PEX5L: variants seen among roughly 807,000 people sequenced by gnomAD.
The protein encoded by PEX5L is peroxisomal biogenesis factor 5 like.
In PEX5L, 30 loss-of-function variants were observed where a neutral mutation model predicts 84.0. That is an observed-to-expected ratio of 0.36 (90% confidence interval 0.27 to 0.48). The LOEUF (loss-of-function observed/expected upper bound fraction) is 0.48, where lower values mean the gene tolerates loss of function less well. Among genes scored for constraint, PEX5L ranks in the 20% least tolerant of loss-of-function variants. The pLI is 0.99. For missense variants in PEX5L, 533 were observed against 754.6 expected (o/e 0.71, Z 3.44); for synonymous variants, 270 against 283.1 (o/e 0.95, Z 0.46).
chr3:179,930,229 TTTG>T (rs1281056837), intron 2 of PEX5L, among the ~76,000 whole-genome samples: 2,434 of 151,458 alleles, frequency 0.016, 74 homozygotes, highest in African/African-American at 0.057. Context: ...CTGTTTCTCT[TTTG>T]ATTTTTGTTT....
chr3:179,883,205 A>T (rs1754704363), intron 4 of PEX5L, among the ~76,000 whole-genome samples: 1 of 152,052 alleles, frequency 6.6e-6, no homozygotes, highest in South Asian at 2.1e-4. Flanking sequence ...GTGTAATCTT[A>T]TTGTCACATA....
At chr3:179,834,289 G>A in intron 8 of PEX5L, among the ~76,000 whole-genome samples, 1 of 152,254 alleles carries the variant, frequency 6.6e-6, no homozygotes, top group East Asian at 1.9e-4. Context: ...GCCGCCTGGA[G>A]CCATCTTGAA....
At chr3:179,836,527 A>G (rs1025871594) in intron 8 of PEX5L, among the ~76,000 whole-genome samples, 3 of 152,160 alleles carry the variant, frequency 2.0e-5, no homozygotes, top group Non-Finnish European at 4.4e-5. Flanking sequence ...CAGGAGAGAG[A>G]GAAGAGACAG....
In PEX5L at chr3:179,874,381, T is replaced by G; in HGVS notation, c.672A>C (p.Lys224Asn). 6.2e-7 allele frequency: 1 copy of G among 1,612,924 alleles called. No homozygotes were observed. The highest frequency in any genetic ancestry group is 8.5e-7 in the Non-Finnish European group (1 of 1,179,260). ...HRSQPELSGG[K>N]SALNSESASE... ...AAGCCGACTCAGAGTTGAGGGCGCT[T>G]TTTCCACCACTCAGTTCTGGTTGAG... Residue 224 changes from lysine (K) to asparagine (N), a missense_variant, in exon 7 of 15, where the codon AAA becomes AAC. Physicochemically the swap from Lys to Asn is moderately conservative, Grantham distance 94. Around this residue, in one of 8 missense-constraint regions of PEX5L, gnomAD observed 259 missense variants for 301.7 expected, o/e 0.86. Coordinates refer to ENST00000467460, the MANE Select transcript of PEX5L (RefSeq NM_016559.3).
At chr3:179,946,343 A>G (rs981287632) in intron 2 of PEX5L, among the ~76,000 whole-genome samples, 1 of 152,228 alleles carries the variant, frequency 6.6e-6, no homozygotes, top group Non-Finnish European at 1.5e-5. Flanking sequence ...TGAAGAATAA[A>G]GGAAATAAAG....
At chr3:179,978,041 C>G (rs766109051) in intron 1 of PEX5L, among the ~76,000 whole-genome samples, 5 of 152,178 alleles carry the variant, frequency 3.3e-5, no homozygotes, top group Non-Finnish European at 7.4e-5. Flanking sequence ...TATGTTGTAG[C>G]ATTTTAAACT....
chr3:179,856,283 GT>G (rs1743911139), intron 8 of PEX5L, among the ~76,000 whole-genome samples: 1 of 152,166 alleles, frequency 6.6e-6, no homozygotes, highest in Admixed American at 6.5e-5. Flanking sequence ...ATTTTACAAA[GT>G]TGGGATTATA....
At chr3:179,850,131 T>G (rs371246966) in intron 8 of PEX5L, among the ~76,000 whole-genome samples, 2 of 152,020 alleles carry the variant, frequency 1.3e-5, no homozygotes, top group African/African-American at 4.8e-5. Flanking sequence ...TTATACTTTT[T>G]TTTTTTGTTT....
intron 1 of PEX5L, among the ~76,000 whole-genome samples, chr3:179,996,231 G>A (rs540726302): frequency 6.6e-6 from 1 of 152,164 alleles, no homozygotes; most frequent in Non-Finnish European, 1.5e-5. Flanking sequence ...CTCGAAAAGA[G>A]CTGCTTGAGT....
At chr3:179,968,667 C>T (rs1221622112) in intron 2 of PEX5L, among the ~76,000 whole-genome samples, 1 of 151,040 alleles carries the variant, frequency 6.6e-6, no homozygotes, top group Non-Finnish European at 1.5e-5. Flanking sequence ...TGGACTCTGA[C>T]CCCAGTGTGA....
chr3:180,030,910 G>A lies in PEX5L; in HGVS notation c.21+5669C>T, dbSNP rs564947590. ...TTAACCCCATTTTGGAGCTGCTGGC[G>A]GGGATTTTTGTCTTTTTTTTTTTTT... On this transcript the variant is annotated intron_variant, in intron 1 of 14. Coordinates refer to ENST00000467460, the MANE Select transcript of PEX5L (RefSeq NM_016559.3). Among the ~76,000 whole-genome samples, 17 of 149,940 alleles carry A rather than the reference G, an allele frequency of 1.1e-4. 1 individual carries two copies. Among genetic ancestry groups the A allele is most frequent in the African/African-American group, 3.2e-4 (13 of 40,600 alleles).
chr3:180,028,236 A>T (rs1791140791), intron 1 of PEX5L, among the ~76,000 whole-genome samples: 2 of 152,172 alleles, frequency 1.3e-5, no homozygotes, highest in African/African-American at 4.8e-5. Flanking sequence ...AATCTTCATC[A>T]TTCTTTCTAT....
Position 179,906,253 on chromosome 3 carries a change from GT to G in PEX5L, c.94-8008del, listed in dbSNP as rs112599429. On this transcript the variant is annotated intron_variant, in intron 2 of 14. Coordinates refer to ENST00000467460, the MANE Select transcript of PEX5L (RefSeq NM_016559.3). ...GTCCCAGGACTTATTTACCCTCTTT[GT>G]TTTCCAAGCAATCTTACCACAATGG... Among the ~76,000 whole-genome samples, 39 of 152,206 alleles carry G rather than the reference GT, an allele frequency of 2.6e-4. 1 individual carries two copies. Among genetic ancestry groups the G allele is most frequent in the African/African-American group, 9.1e-4 (38 of 41,534 alleles).
intron 2 of PEX5L, among the ~76,000 whole-genome samples, chr3:179,959,014 G>A (rs4855128): frequency 2.0e-5 from 3 of 150,838 alleles, no homozygotes; most frequent in Admixed American, 1.3e-4. Flanking sequence ...ACGACAGAGC[G>A]AGACTCCATC....
chr3:179,976,344 C>G (rs1311958495), intron 1 of PEX5L, among the ~76,000 whole-genome samples: 2 of 152,100 alleles, frequency 1.3e-5, no homozygotes, highest in African/African-American at 2.4e-5. Flanking sequence ...AGATGGAAGC[C>G]AGGTTAGAGT....
intron 4 of PEX5L, among the ~76,000 whole-genome samples, chr3:179,885,912 G>T (rs1309482720): frequency 6.6e-6 from 1 of 152,198 alleles, no homozygotes; most frequent in Non-Finnish European, 1.5e-5. Context: ...AACTCAGTGG[G>T]TGGTACTTTG....
intron 1 of PEX5L, among the ~76,000 whole-genome samples, chr3:179,984,500 T>C (rs1786621775): frequency 1.3e-5 from 2 of 152,154 alleles, no homozygotes; most frequent in Admixed American, 1.3e-4. Context: ...TGAACAGATA[T>C]AAGCCACATA....
intron 1 of PEX5L, among the ~76,000 whole-genome samples, chr3:179,999,932 C>T (rs1028573158): frequency 6.6e-6 from 1 of 152,156 alleles, no homozygotes; most frequent in African/African-American, 2.4e-5. Flanking sequence ...CAATACTTTG[C>T]AAGCCTGGGG....
intron 1 of PEX5L, among the ~76,000 whole-genome samples, chr3:179,984,557 C>T (rs73883458): frequency 5.9e-5 from 9 of 152,108 alleles, no homozygotes; most frequent in East Asian, 5.8e-4. Context: ...AGGATATAGA[C>T]GCATGGAGAC....
Sources: allele counts gnomAD v4.1 joint callset (sites outside exome capture counted in the v4.1 genomes callset), GRCh38; gene constraint gnomAD v4.1.1; regional missense constraint gnomAD v4.1.1; transcripts MANE v1.5; gene names NCBI Gene and HGNC (gene_info 2026-07-23, HGNC 2026-07-21).